The following ATG2B variants were observed in gnomAD, a reference collection of about 807,000 sequenced individuals.
The protein encoded by ATG2B is autophagy related 2B, also known as autophagy-related protein 2 homolog B.
ATG2B carries 121 observed loss-of-function variants against 241.3 expected under a neutral mutation model. The observed-to-expected ratio is 0.50, with a 90% CI of 0.43 to 0.58. ATG2B has a LOEUF of 0.58. Ranked by LOEUF, ATG2B falls within the 20% of genes least tolerant of loss-of-function variation. The pLI is 0.00. For synonymous variants in ATG2B, 858 were observed against 876.6 expected (o/e 0.98, Z 0.37); for missense variants, 2,306 against 2,491.6 (o/e 0.93, Z 1.59).
At chr14:96,343,317 C>T in intron 4 of ATG2B, 36 bp from the exon 5 acceptor site, 3 of 1,510,878 alleles carry the variant, frequency 2.0e-6, no homozygotes, top group Non-Finnish European at 2.7e-6. Flanking sequence ...CAAAAAGCTC[C>T]TAGGGGTGCA....
intron 1 of ATG2B, among the ~76,000 whole-genome samples, chr14:96,357,562 C>T (rs919674997): frequency 6.6e-6 from 1 of 152,226 alleles, no homozygotes; most frequent in African/African-American, 2.4e-5. Flanking sequence ...CCACTCCCAA[C>T]TCCAGACAGT....
At chr14:96,292,272 T>C (rs1886507196) in intron 36 of ATG2B, among the ~76,000 whole-genome samples, 174 bp from the exon 37 acceptor site, 1 of 152,170 alleles carries the variant, frequency 6.6e-6, no homozygotes, top group Admixed American at 6.5e-5. Context: ...TTTCCTAATA[T>C]AACAATTAAA....
At chr14:96,358,172 T>C (rs1888528761) in intron 1 of ATG2B, among the ~76,000 whole-genome samples, 1 of 152,178 alleles carries the variant, frequency 6.6e-6, no homozygotes, top group Non-Finnish European at 1.5e-5. Flanking sequence ...CGGTGGCTCA[T>C]GCCTGTAATT....
chr14:96,332,416 A>C lies in ATG2B; in HGVS notation c.1363-6T>G. ...TCTCCCCAAGTGGGCTGAAGCTATA[A>C]AAGATTTTTTTTAAGCACATGAATG... On this transcript the variant is annotated splice_region_variant and splice_polypyrimidine_tract_variant and intron_variant, in intron 9 of 41. Coordinates refer to ENST00000359933, the MANE Select transcript of ATG2B (RefSeq NM_018036.7). 1 of 1,613,562 alleles carries C rather than the reference A, an allele frequency of 6.2e-7. No homozygotes were observed. The highest frequency in any genetic ancestry group is 8.5e-7 in the Non-Finnish European group (1 of 1,179,678).
intron 34 of ATG2B, among the ~76,000 whole-genome samples, chr14:96,301,333 T>G (rs557013692): frequency 6.6e-6 from 1 of 152,048 alleles, no homozygotes; most frequent in South Asian, 2.1e-4. Flanking sequence ...GAACTAAGAC[T>G]GGAACCCAGG....
At chr14:96,307,412 A>AAAAC (rs962388016) in intron 29 of ATG2B, among the ~76,000 whole-genome samples, 3 of 149,050 alleles carry the variant, frequency 2.0e-5, no homozygotes, top group African/African-American at 7.8e-5. Context: ...ACCTGTCAAA[A>AAAAC]AAACAAACAA....
intron 29 of ATG2B, among the ~76,000 whole-genome samples, chr14:96,308,270 A>ATATATATATATG (rs1555365543): frequency 0.11 from 3,107 of 27,720 alleles, 223 homozygotes; most frequent in Admixed American, 0.19. Context: ...ATATATATAT[A>ATATATATATATG]TATATATATA....
chr14:96,356,929 G>A (rs934468383), intron 1 of ATG2B, among the ~76,000 whole-genome samples: 13 of 152,218 alleles, frequency 8.5e-5, no homozygotes, highest in African/African-American at 2.4e-4. Flanking sequence ...AGTATATAGA[G>A]ATGGAAGGTA....
chr14:96,358,223 C>T (rs1416919565), intron 1 of ATG2B, among the ~76,000 whole-genome samples: 1 of 152,036 alleles, frequency 6.6e-6, no homozygotes, highest in African/African-American at 2.4e-5. Context: ...ATCACTTGAG[C>T]CCAGGAGGTC....
chr14:96,306,971 G>A (rs889898148), intron 29 of ATG2B, 55 bp from the exon 30 acceptor site: 13 of 1,425,812 alleles, frequency 9.1e-6, no homozygotes, highest in Non-Finnish European at 1.2e-5. Flanking sequence ...ACAACAACAA[G>A]CATTTTAACC....
chr14:96,317,987 A>G (rs1250424871), intron 18 of ATG2B, 132 bp from the exon 19 acceptor site: 3 of 619,074 alleles, frequency 4.8e-6, no homozygotes, highest in South Asian at 3.1e-5. Flanking sequence ...TAGATCCTAC[A>G]AGAATTTGGA....
At chr14:96,326,126 T>C (rs903391578) in intron 14 of ATG2B, among the ~76,000 whole-genome samples, 1 of 152,112 alleles carries the variant, frequency 6.6e-6, no homozygotes, top group Admixed American at 6.6e-5. Context: ...GTGAAAACTA[T>C]TGGCAAAAGT....
chr14:96,294,433 G>A (rs187543139), intron 36 of ATG2B, among the ~76,000 whole-genome samples: 2 of 152,322 alleles, frequency 1.3e-5, no homozygotes, highest in African/African-American at 2.4e-5. Context: ...TGGCCGAGCC[G>A]TTGGGCAGCA....
At chr14:96,345,045 C>CAA (rs879481149) in intron 3 of ATG2B, among the ~76,000 whole-genome samples, 188 bp downstream of exon 3, 6 of 133,188 alleles carry the variant, frequency 4.5e-5, no homozygotes, top group African/African-American at 1.6e-4. Context: ...AACTAAGGTA[C>CAA]AAAAAAAAAA....
At chr14:96,349,045 A>G (rs1351401676) in intron 1 of ATG2B, among the ~76,000 whole-genome samples, 1 of 152,246 alleles carries the variant, frequency 6.6e-6, no homozygotes, top group Non-Finnish European at 1.5e-5. Context: ...GAGGAAACAC[A>G]CTGTGCTATT....
In ATG2B at chr14:96,290,583, G is replaced by C; in HGVS notation, c.5709C>G (p.Gly1903=). 1.2e-6 allele frequency: 2 copies of C among 1,614,072 alleles called. No individual in the cohort carries two copies. Among genetic ancestry groups the C allele is most frequent in the Non-Finnish European group, 1.7e-6 (2 of 1,179,988 alleles). Residue 1903 remains glycine, a synonymous_variant, in exon 40 of 42, where the codon GGC becomes GGG. Coordinates refer to ENST00000359933, the MANE Select transcript of ATG2B (RefSeq NM_018036.7). This position sits in a 1 kb window ranked among gnomAD's most constrained non-coding sequence, Gnocchi z 4.4. ...TTGGGAGCCAGACCAAGTCCTTTAG[G>C]CCTTGTACTACAACAGTCAACACAA... The part of the protein sequence containing the change: ...PMHSLVQLVQ[G]LKDLVWLPIE...
intron 4 of ATG2B, among the ~76,000 whole-genome samples, chr14:96,343,641 TTAAG>T (rs2139895992): frequency 6.6e-6 from 1 of 152,266 alleles, no homozygotes; most frequent in East Asian, 1.9e-4. Context: ...AATAACTCCC[TTAAG>T]TTAGTTTTAA....
intron 28 of ATG2B, among the ~76,000 whole-genome samples, 190 bp downstream of exon 28, chr14:96,310,927 T>A: frequency 6.6e-6 from 1 of 151,858 alleles, no homozygotes; most frequent in East Asian, 1.9e-4. Flanking sequence ...ACAAAGAATA[T>A]CAAAACAGCA....
chr14:96,327,230 CAATAATAATAATAATAAT>C (rs74459993), intron 14 of ATG2B, among the ~76,000 whole-genome samples: 8 of 148,786 alleles, frequency 5.4e-5, no homozygotes, highest in Admixed American at 6.7e-5. Flanking sequence ...ATGTCTGTCT[CAATAATAATAATAATAAT>C]AATAATAATA....
Sources: gnomAD v4.1 joint callset for allele counts (sites outside exome capture counted in the v4.1 genomes callset) on GRCh38, gnomAD v4.1.1 for gene constraint, Gnocchi (gnomAD v3.1) non-coding constraint, MANE v1.5 for transcripts, NCBI Gene and HGNC (gene_info 2026-07-23, HGNC 2026-07-21) for gene names.